BPIFC: variants seen among roughly 807,000 people sequenced by gnomAD.
BPIFC encodes BPI fold-containing family C protein.
Under a neutral mutation model 57.6 loss-of-function variants are expected in BPIFC, and 60 were observed. That is an observed-to-expected ratio of 1.04 (90% CI 0.85 to 1.29). BPIFC has a LOEUF of 1.29. Ranked by LOEUF, BPIFC falls within the 50% of genes most tolerant of loss-of-function variation. The pLI, the probability that BPIFC is intolerant of heterozygous loss-of-function variation, is 0.00. For missense variants in BPIFC, 581 were observed against 600.5 expected (o/e 0.97, Z 0.34); for synonymous variants, 243 against 224.5 (o/e 1.08, Z -0.74).
chr22:32,433,106 G>A (rs1934294508), intron 11 of BPIFC, among the ~76,000 whole-genome samples: 1 of 152,230 alleles, frequency 6.6e-6, no homozygotes, highest in Non-Finnish European at 1.5e-5. Flanking sequence ...GGGAGGCTGA[G>A]TTGGGAGGAT....
At chr22:32,432,752 G>A (rs1000790726) in intron 11 of BPIFC, among the ~76,000 whole-genome samples, 1 of 152,194 alleles carries the variant, frequency 6.6e-6, no homozygotes, top group East Asian at 1.9e-4. Flanking sequence ...TACCCACTGT[G>A]CCAGGGGCTT....
intron 4 of BPIFC, among the ~76,000 whole-genome samples, chr22:32,450,093 TACACACACACACACACACACACAC>T (rs59948938): frequency 2.3e-4 from 34 of 145,616 alleles, no homozygotes; most frequent in African/African-American, 3.5e-4. Context: ...TCAAAGAGCA[TACACACACACACACACACACACAC>T]ACACACACAC....
In BPIFC at chr22:32,433,715, T is replaced by C; in HGVS notation, c.978+4A>G. On this transcript the variant is annotated splice_donor_region_variant and intron_variant, in intron 11 of 16. Coordinates refer to ENST00000300399, the MANE Select transcript of BPIFC (RefSeq NM_174932.3). ...CTATCAAGACTCAAACCCTGAGCAC[T>C]TACCCGGGAGAGCACGTTGCCAAGG... 6.2e-7 allele frequency: 1 copy of C among 1,613,648 alleles called. No individual in the cohort carries two copies. Among genetic ancestry groups the C allele is most frequent in the Non-Finnish European group, 8.5e-7 (1 of 1,179,614 alleles).
At chr22:32,425,703 C>T (rs1934048219) in intron 13 of BPIFC, among the ~76,000 whole-genome samples, 1 of 152,158 alleles carries the variant, frequency 6.6e-6, no homozygotes, top group South Asian at 2.1e-4. Flanking sequence ...TTAAACCTTA[C>T]AACTCCGTGT....
chr22:32,437,226 T>C (rs960373625), intron 9 of BPIFC, among the ~76,000 whole-genome samples: 7 of 152,234 alleles, frequency 4.6e-5, no homozygotes, highest in Non-Finnish European at 7.3e-5. Flanking sequence ...GGCAGACATA[T>C]GTTGTACAAT....
At chr22:32,439,421 A>G (rs1331847954) in intron 8 of BPIFC, among the ~76,000 whole-genome samples, 1 of 151,978 alleles carries the variant, frequency 6.6e-6, no homozygotes, top group Non-Finnish European at 1.5e-5. Flanking sequence ...GGCTTTGGAG[A>G]GCTGCTTTCC....
chr22:32,421,253 A>G (rs1399846754), intron 13 of BPIFC, among the ~76,000 whole-genome samples: 2 of 152,196 alleles, frequency 1.3e-5, no homozygotes, highest in African/African-American at 2.4e-5. Context: ...TGATTTTTCT[A>G]TGCAATAATA....
At chr22:32,453,924 A>AAAC (rs148570382) in intron 3 of BPIFC, among the ~76,000 whole-genome samples, 5 of 140,172 alleles carry the variant, frequency 3.6e-5, no homozygotes, top group African/African-American at 7.5e-5. Flanking sequence ...CTACAAAAAC[A>AAAC]AACAACAACA....
rs760068609 is a variant in BPIFC at position 32,447,260 on chromosome 22, T to A, written c.326A>T (p.His109Leu). ...GTCTGTGCTGATGTTGGCAGTGCCA[T>A]GGTTGGTTAGCGCTTTGATTCCCAC... Reference protein sequence around the residue: ...PGVGIKALTNHGTANISTDWG... With the variant: ...PGVGIKALTNLGTANISTDWG... Residue 109 changes from histidine (H) to leucine (L), a missense_variant, in exon 5 of 17, where the codon CAT (histidine) becomes CTT (leucine). Transcript: ENST00000300399. The A allele has an allele frequency of 6.2e-7, 1 of 1,614,058 alleles. No homozygotes were observed. The highest frequency in any genetic ancestry group is 8.5e-7 in the Non-Finnish European group (1 of 1,179,988).
rs750560391 is a variant in BPIFC, at chr22:32,447,301, C to T, written c.285G>A (p.Leu95=). Residue 95 remains leucine (L), a synonymous_variant, in exon 5 of 17, where the codon TTG becomes TTA. Coordinates refer to ENST00000300399, the MANE Select transcript of BPIFC (RefSeq NM_174932.3). ...TGATTCCCACTCCAGGCACAAAAGCCAATGAGGTATTTGGAAATGAAAAGG... is the reference window on the plus strand; with the variant it reads ...TGATTCCCACTCCAGGCACAAAAGCTAATGAGGTATTTGGAAATGAAAAGG... ...ISAFSFPNTS[L]AFVPGVGIKA... 1 of 1,613,896 alleles carries T rather than the reference C, an allele frequency of 6.2e-7. No individual in the cohort carries two copies. Among genetic ancestry groups the T allele is most frequent in the Non-Finnish European group, 8.5e-7 (1 of 1,179,976 alleles).
intron 7 of BPIFC, among the ~76,000 whole-genome samples, chr22:32,443,411 C>A (rs1466975502): frequency 6.6e-6 from 1 of 152,200 alleles, no homozygotes; most frequent in African/African-American, 2.4e-5. Flanking sequence ...GATTCACCCG[C>A]CTCGGCCTCC....
chr22:32,458,283 A>G (rs1051451434), intron 2 of BPIFC, among the ~76,000 whole-genome samples: 1 of 152,196 alleles, frequency 6.6e-6, no homozygotes, highest in Non-Finnish European at 1.5e-5. Context: ...AGTAGCCTGT[A>G]CACCAGGATC....
intron 13 of BPIFC, among the ~76,000 whole-genome samples, chr22:32,420,417 T>G (rs2145911963): frequency 6.6e-6 from 1 of 152,002 alleles, no homozygotes; most frequent in East Asian, 1.9e-4. Flanking sequence ...TACTTGACAC[T>G]AAATTCTATG....
At chr22:32,416,064 C>A in intron 15 of BPIFC, 73 bp from the exon 16 acceptor site, 1 of 828,728 alleles carries the variant, frequency 1.2e-6, no homozygotes, top group South Asian at 1.8e-5. Context: ...TAGTAAGAGA[C>A]TGACTGACAG....
chr22:32,420,099 T>C (rs879748162), intron 13 of BPIFC, among the ~76,000 whole-genome samples: 7 of 151,898 alleles, frequency 4.6e-5, no homozygotes, highest in African/African-American at 9.7e-5. Flanking sequence ...GGGCGGATCA[T>C]GAGGTCAGGA....
At chr22:32,432,993 A>G (rs1358557104) in intron 11 of BPIFC, among the ~76,000 whole-genome samples, 3 of 152,156 alleles carry the variant, frequency 2.0e-5, no homozygotes. Flanking sequence ...ACTTGAAGCC[A>G]GGAGTTTGAA....
At chr22:32,424,346 C>A (rs1007465884) in intron 13 of BPIFC, among the ~76,000 whole-genome samples, 1 of 152,102 alleles carries the variant, frequency 6.6e-6, no homozygotes, top group Non-Finnish European at 1.5e-5. Flanking sequence ...TTTTTACTTT[C>A]TTCACCATTT....
intron 4 of BPIFC, among the ~76,000 whole-genome samples, chr22:32,449,746 C>T (rs1986169): frequency 0.82 from 122,449 of 149,300 alleles, 50,385 homozygotes; most frequent in South Asian, 0.92. Context: ...CTCTTTTTTT[C>T]TTTTTTGAGA....
At chr22:32,452,896 G>C (rs1934934425) in intron 4 of BPIFC, among the ~76,000 whole-genome samples, 1 of 152,200 alleles carries the variant, frequency 6.6e-6, no homozygotes, top group Admixed American at 6.5e-5. Flanking sequence ...TGGGGCTTTT[G>C]CTGGAGACTA....
Sources: allele counts gnomAD v4.1 joint callset (sites outside exome capture counted in the v4.1 genomes callset), GRCh38; gene constraint gnomAD v4.1.1; transcripts MANE v1.5; gene names NCBI Gene and HGNC (gene_info 2026-07-23, HGNC 2026-07-21).